Variants in ANKRD44 observed in about 807,000 individuals in gnomAD.
The protein encoded by ANKRD44 is serine/threonine-protein phosphatase 6 regulatory ankyrin repeat subunit B.
ANKRD44 carries 35 observed loss-of-function variants against 116.0 expected under a neutral mutation model. That is an observed-to-expected ratio of 0.30 (90% CI 0.23 to 0.40). ANKRD44 has a LOEUF of 0.40. Ranked by LOEUF, ANKRD44 falls within the 10% of genes least tolerant of loss-of-function variation. ANKRD44 has a pLI of 1.00. For synonymous variants in ANKRD44, 435 were observed against 461.8 expected, an observed-to-expected ratio of 0.94 and a Z score of 0.74; for missense variants, 1,014 against 1,242.6, an observed-to-expected ratio of 0.82 and a Z score of 2.77.
At chr2:197,123,358 C>T (rs1236499477) in intron 6 of ANKRD44, among the ~76,000 whole-genome samples, 2 of 152,156 alleles carry the variant, frequency 1.3e-5, no homozygotes, top group African/African-American at 4.8e-5. Flanking sequence ...AACAGAAAAC[C>T]CTTCTAGTTT....
intron 9 of ANKRD44, among the ~76,000 whole-genome samples, chr2:197,100,151 T>C (rs1472474348): frequency 1.3e-5 from 2 of 152,196 alleles, no homozygotes; most frequent in African/African-American, 4.8e-5. Context: ...AGAGATGCTT[T>C]TGAGGCCGGG....
At chr2:197,028,009 A>G (rs1349449719) in intron 16 of ANKRD44, among the ~76,000 whole-genome samples, 1 of 152,122 alleles carries the variant, frequency 6.6e-6, no homozygotes, top group African/African-American at 2.4e-5. Flanking sequence ...AGAATTGATC[A>G]CTGAGTTTAG....
intron 2 of ANKRD44, among the ~76,000 whole-genome samples, chr2:197,180,707 T>C (rs2080482010): frequency 6.6e-6 from 1 of 152,214 alleles, no homozygotes; most frequent in African/African-American, 2.4e-5. Context: ...TTCTAATGTT[T>C]AAGAGTCTTA....
intron 1 of ANKRD44, among the ~76,000 whole-genome samples, chr2:197,258,497 C>T (rs929071394): frequency 6.6e-6 from 1 of 152,172 alleles, no homozygotes; most frequent in South Asian, 2.1e-4. Context: ...CGTCATTGGA[C>T]GTTTGAGTTG....
chr2:197,120,456 C>G (rs1263372821), intron 8 of ANKRD44, among the ~76,000 whole-genome samples: 1 of 152,056 alleles, frequency 6.6e-6, no homozygotes, highest in Non-Finnish European at 1.5e-5. Context: ...TTGAGACCAG[C>G]CTGGCCAACA....
intron 4 of ANKRD44, among the ~76,000 whole-genome samples, chr2:197,132,229 G>C (rs1020226105): frequency 3.3e-5 from 5 of 152,310 alleles, no homozygotes; most frequent in African/African-American, 9.6e-5. Context: ...GAGCAGGTTG[G>C]GGGTAGGAAA....
chr2:196,981,257 T>C (rs916854213), intron 21 of ANKRD44, among the ~76,000 whole-genome samples: 8 of 152,186 alleles, frequency 5.3e-5, no homozygotes, highest in Non-Finnish European at 1.2e-4. Flanking sequence ...ATGATCTACA[T>C]AATCACATCC....
At position 197,001,818 on chromosome 2, in the gene ANKRD44, T is replaced by C. The variant is rs769589004; in HGVS notation, c.2370A>G (p.Val790=). 5 of 1,613,040 alleles carry C rather than the reference T, an allele frequency of 3.1e-6. No individual in the cohort carries two copies. In the South Asian group the frequency reaches 5.5e-5, roughly 18 times the overall value. The change falls in exon 22 of 28, where the codon GTA becomes GTG. Residue 790 remains valine, a synonymous_variant. Coordinates refer to ENST00000282272, the MANE Select transcript of ANKRD44 (RefSeq NM_001195144.2). ...CYNGNENCIE[V]LLEQKCFRKF... is the part of the protein sequence containing the mutation. Reference sequence around the variant, plus strand: ...TGCGAAAACATTTTTGCTCCAAAAGTACCTCTATACAGTTTTCATTACCTG... The same window carrying C: ...TGCGAAAACATTTTTGCTCCAAAAGCACCTCTATACAGTTTTCATTACCTG...
chr2:197,071,395 C>A (rs2077556190), intron 16 of ANKRD44, among the ~76,000 whole-genome samples: 1 of 152,162 alleles, frequency 6.6e-6, no homozygotes, highest in African/African-American at 2.4e-5. Flanking sequence ...GTTGTACTTT[C>A]ATTTTCATTC....
chr2:196,975,698 T>C (rs996940266), intron 21 of ANKRD44, among the ~76,000 whole-genome samples: 1 of 148,018 alleles, frequency 6.8e-6, no homozygotes, highest in Non-Finnish European at 1.5e-5. Context: ...GGCTAAGACA[T>C]GACTGCTTGA....
At chr2:196,978,703 CT>C (rs2075776819) in intron 21 of ANKRD44, among the ~76,000 whole-genome samples, 1 of 151,736 alleles carries the variant, frequency 6.6e-6, no homozygotes, top group East Asian at 1.9e-4. Context: ...GGTTACATAA[CT>C]TTTTAAAATC....
chr2:197,306,909 C>T (rs183565166), intron 1 of ANKRD44, among the ~76,000 whole-genome samples: 81 of 152,260 alleles, frequency 5.3e-4, no homozygotes, highest in Non-Finnish European at 1.0e-3. Flanking sequence ...AGGCAGCCTC[C>T]GAGATGAAAG....
intron 1 of ANKRD44, among the ~76,000 whole-genome samples, chr2:197,233,795 C>T (rs1209704645): frequency 6.6e-6 from 1 of 152,228 alleles, no homozygotes; most frequent in Non-Finnish European, 1.5e-5. Context: ...TCACAAGACA[C>T]CACAAAGCTG....
At chr2:197,253,586 A>G (rs979302442) in intron 1 of ANKRD44, among the ~76,000 whole-genome samples, 1 of 152,176 alleles carries the variant, frequency 6.6e-6, no homozygotes, top group African/African-American at 2.4e-5. Context: ...TATACATATA[A>G]AAAGAAACCT....
Position 197,212,757 on chromosome 2 carries a change from A to G in ANKRD44, c.28-25651T>C, listed in dbSNP as rs188993892. On this transcript the variant is annotated intron_variant, in intron 1 of 27. Coordinates refer to ENST00000282272, the MANE Select transcript of ANKRD44 (RefSeq NM_001195144.2). The surrounding 1 kb of genome is among the most constrained non-coding windows in gnomAD (Gnocchi z 4.8). The stretch of plus-strand genomic sequence containing the variant: ...GTTTTTGCTCAAAAGAATTCAGTTA[A>G]CACCCACAAGGAAGGGAGGTGGACA... Among the ~76,000 whole-genome samples the G allele has an allele frequency of 2.6e-5, 4 of 152,268 alleles. No individual in the cohort carries two copies. Among genetic ancestry groups the G allele is most frequent in the Admixed American group, 2.0e-4 (3 of 15,296 alleles).
chr2:197,022,658 C>A (rs1029682209), intron 17 of ANKRD44, among the ~76,000 whole-genome samples: 1 of 152,162 alleles, frequency 6.6e-6, no homozygotes, highest in African/African-American at 2.4e-5. Context: ...TGTCAACATG[C>A]ATAGCTCTTA....
At chr2:197,237,389 T>A (rs1425573177) in intron 1 of ANKRD44, among the ~76,000 whole-genome samples, 1 of 152,256 alleles carries the variant, frequency 6.6e-6, no homozygotes, top group African/African-American at 2.4e-5. Flanking sequence ...TAAAAGATAC[T>A]ACTTCAGCAA....
At chr2:197,035,040 A>G (rs1272075147) in intron 16 of ANKRD44, among the ~76,000 whole-genome samples, 2 of 152,224 alleles carry the variant, frequency 1.3e-5, no homozygotes, top group African/African-American at 4.8e-5. Flanking sequence ...TCACATGAAC[A>G]GCATTTCAAT....
chr2:197,110,682 C>T (rs2078544170), intron 9 of ANKRD44, 84 bp downstream of exon 9: 7 of 1,111,020 alleles, frequency 6.3e-6, no homozygotes, highest in South Asian at 2.5e-5. Context: ...AACAGGGCAT[C>T]GACTTTCATA....
Sources: gnomAD v4.1 joint callset for allele counts (sites outside exome capture counted in the v4.1 genomes callset) on GRCh38, gnomAD v4.1.1 for gene constraint, Gnocchi (gnomAD v3.1) non-coding constraint, MANE v1.5 for transcripts, NCBI Gene and HGNC (gene_info 2026-07-23, HGNC 2026-07-21) for gene names.